Variants in MYO1H observed in about 807,000 individuals in gnomAD.
MYO1H encodes myosin IH, also known as unconventional myosin-Ih.
MYO1H carries 118 observed loss-of-function variants against 149.3 expected under a neutral mutation model. The ratio of observed to expected loss-of-function variants is 0.79; its 90% CI spans 0.68 to 0.92. The LOEUF (loss-of-function observed/expected upper bound fraction) is 0.92, where lower values mean the gene tolerates loss of function less well. Ranked by LOEUF, MYO1H falls within the 40% of genes least tolerant of loss-of-function variation. The pLI is 0.00. For synonymous variants in MYO1H, 447 were observed against 465.2 expected, an observed-to-expected ratio of 0.96 and a Z score of 0.50; for missense variants, 1,212 against 1,280.7, an observed-to-expected ratio of 0.95 and a Z score of 0.82.
At chr12:109,401,024 C>A in intron 5 of MYO1H, 69 bp from the exon 6 acceptor site, 1 of 1,390,176 alleles carries the variant, frequency 7.2e-7, no homozygotes, top group East Asian at 2.3e-5. Context: ...AACTTCGGGC[C>A]ATCAGGAGAT....
chr12:109,432,359 G>A (rs1193570124), intron 19 of MYO1H, among the ~76,000 whole-genome samples: 1 of 152,150 alleles, frequency 6.6e-6, no homozygotes, highest in Non-Finnish European at 1.5e-5. Context: ...CTGGCCTCAA[G>A]TGATCCTCCT....
chr12:109,445,444 T>A, intron 30 of MYO1H, 69 bp from the exon 31 acceptor site: 1 of 1,163,142 alleles, frequency 8.6e-7, no homozygotes, highest in Non-Finnish European at 1.2e-6. Context: ...AGTGAATTTC[T>A]TCTGTAGACC....
At chr12:109,315,635 T>G in the MYO1H span, among the ~76,000 whole-genome samples, 1 of 152,210 alleles carries the variant, frequency 6.6e-6, no homozygotes, top group Admixed American at 6.5e-5. Context: ...TCCCTCAAGA[T>G]AGCTATCAGC....
chr12:109,391,318 A>G (rs1869644380), intron 2 of MYO1H, among the ~76,000 whole-genome samples: 1 of 152,094 alleles, frequency 6.6e-6, no homozygotes, highest in Non-Finnish European at 1.5e-5. Flanking sequence ...ACTTATTAGC[A>G]AGAACACGCA....
At chr12:109,424,682 C>A in intron 16 of MYO1H, 66 bp from the exon 17 acceptor site, 1 of 1,266,644 alleles carries the variant, frequency 7.9e-7, no homozygotes, top group South Asian at 1.3e-5. Flanking sequence ...CTCTGTGAGC[C>A]GTCCTGACAG....
At chr12:109,357,375 G>T (rs1426092238) in intron 1 of MYO1H, 2 of 152,214 alleles carry the variant, frequency 1.3e-5, no homozygotes, top group African/African-American at 4.8e-5. Flanking sequence ...ATTCCACTTT[G>T]CTTCTCTTGG....
intron 9 of MYO1H, among the ~76,000 whole-genome samples, chr12:109,407,125 A>G (rs1009190086): frequency 1.1e-4 from 17 of 151,850 alleles, no homozygotes; most frequent in African/African-American, 3.4e-4. Flanking sequence ...TTCTGCTGGA[A>G]CACTGTTCCC....
At chr12:109,344,161 G>T (rs1353825873), upstream of MYO1H, among the ~76,000 whole-genome samples, 1 of 152,070 alleles carries the variant, frequency 6.6e-6, no homozygotes, top group Non-Finnish European at 1.5e-5. Context: ...CAGAGGCAGG[G>T]TGTTATTTTC....
chr12:109,361,813 C>CAAAAAAAAAAA (rs35915417), intron 1 of MYO1H, among the ~76,000 whole-genome samples: 4 of 56,824 alleles, frequency 7.0e-5, no homozygotes, highest in African/African-American at 6.8e-5. Flanking sequence ...CCTTGTCTCA[C>CAAAAAAAAAAA]AAAAAAAAAA....
intron 3 of MYO1H, 141 bp from the exon 4 acceptor site, chr12:109,396,243 T>A (rs1869899794): frequency 3.1e-6 from 2 of 651,262 alleles, no homozygotes; most frequent in Non-Finnish European, 5.2e-6. Flanking sequence ...GTTTGATATG[T>A]GTTTGAGCTC....
intron 22 of MYO1H, 77 bp from the exon 23 acceptor site, chr12:109,438,459 C>T: frequency 8.5e-7 from 1 of 1,170,742 alleles, no homozygotes; most frequent in Non-Finnish European, 1.2e-6. Flanking sequence ...GTTGAATGGA[C>T]AAAGCCTTCT....
chr12:109,434,972 AC>A (rs1229099197), intron 20 of MYO1H, 64 bp from the exon 21 acceptor site: 3 of 930,568 alleles, frequency 3.2e-6, no homozygotes, highest in African/African-American at 3.3e-5. Flanking sequence ...TGAAGGGGGC[AC>A]CGTTCAACCC....
At chr12:109,354,183 A>G (rs1868529908) in intron 1 of MYO1H, 1 of 152,250 alleles carries the variant, frequency 6.6e-6, no homozygotes, top group South Asian at 2.1e-4. Flanking sequence ...TCAGAAAAGT[A>G]AAATTGTAAG....
At chr12:109,416,396 A>G (rs562464059) in intron 15 of MYO1H, among the ~76,000 whole-genome samples, 3 of 111,464 alleles carry the variant, frequency 2.7e-5, no homozygotes, top group African/African-American at 8.4e-5. Flanking sequence ...TTTTTTTGAC[A>G]TTTTTTATAA....
chr12:109,312,117 T>C, the MYO1H span, among the ~76,000 whole-genome samples: 1 of 152,218 alleles, frequency 6.6e-6, no homozygotes, highest in Non-Finnish European at 1.5e-5. Flanking sequence ...ATGCAATGTG[T>C]AGAAACAGTG....
intron 14 of MYO1H, 67 bp from the exon 15 acceptor site, chr12:109,415,459 G>C: frequency 6.8e-6 from 10 of 1,462,100 alleles, no homozygotes; most frequent in Non-Finnish European, 9.3e-6. Flanking sequence ...TTGGGCAACA[G>C]AGCAAGACGC....
At chr12:109,343,197 A>C (rs1049066121), upstream of MYO1H, among the ~76,000 whole-genome samples, 8 of 152,250 alleles carry the variant, frequency 5.3e-5, no homozygotes, top group African/African-American at 1.9e-4. Flanking sequence ...ATAGTGCCTG[A>C]AGTAAGCTCA....
At chr12:109,391,201 C>T (rs1869638735) in intron 2 of MYO1H, among the ~76,000 whole-genome samples, 2 of 152,176 alleles carry the variant, frequency 1.3e-5, no homozygotes, top group African/African-American at 4.8e-5. Context: ...GACCAGCATG[C>T]ATTAGCTATT....
chr12:109,438,731 A>G (rs1871979718), intron 23 of MYO1H, 111 bp downstream of exon 23: 1 of 784,266 alleles, frequency 1.3e-6, no homozygotes, highest in Non-Finnish European at 2.1e-6. Flanking sequence ...TGCAGAAAGG[A>G]AAAACTCCCT....
Sources: allele counts gnomAD v4.1 joint callset (sites outside exome capture counted in the v4.1 genomes callset), GRCh38; gene constraint gnomAD v4.1.1; transcripts MANE v1.5; gene names NCBI Gene and HGNC (gene_info 2026-07-23, HGNC 2026-07-21).